The following PCDH15 variants were observed in gnomAD, a reference collection of about 807,000 sequenced individuals.
The protein encoded by PCDH15 is protocadherin-15.
Under a neutral mutation model 178.5 loss-of-function variants are expected in PCDH15, and 129 were observed. That is an observed-to-expected ratio of 0.72 (90% CI 0.63 to 0.84). The LOEUF is 0.84. Among genes scored for constraint, PCDH15 ranks in the 40% least tolerant of loss-of-function variants. The probability of loss-of-function intolerance (pLI) is 0.00; values close to 1 mark genes in which losing one functional copy is unlikely to be tolerated. For missense variants in PCDH15, 2,230 were observed against 2,099.9 expected, an observed-to-expected ratio of 1.06 and a Z score of -1.21; for synonymous variants, 800 against 732.0, an observed-to-expected ratio of 1.09 and a Z score of -1.50.
chr10:54,296,124 G>A (rs1423213571), intron 8 of PCDH15, among the ~76,000 whole-genome samples: 8 of 109,228 alleles, frequency 7.3e-5, no homozygotes, highest in South Asian at 6.5e-4. Context: ...CAGCCTGGGC[G>A]ACAGAGCGAG....
intron 11 of PCDH15, among the ~76,000 whole-genome samples, chr10:54,191,261 G>A (rs960589274): frequency 6.6e-5 from 10 of 152,116 alleles, no homozygotes; most frequent in African/African-American, 2.4e-4. Flanking sequence ...TTTTCAAGTT[G>A]GAAGTATAGA....
intron 2 of PCDH15, among the ~76,000 whole-genome samples, chr10:54,924,224 C>CA (rs1232708613): frequency 7.3e-6 from 1 of 137,230 alleles, no homozygotes; most frequent in African/African-American, 2.5e-5. Flanking sequence ...ACAAGAACAG[C>CA]AGGGGGGAAA....
rs566226144 is a variant in PCDH15, at chr10:53,863,172, C to A, written c.3717+3470G>T. Among the ~76,000 whole-genome samples, 11 of 152,212 alleles carry A rather than the reference C, an allele frequency of 7.2e-5. No individual in the cohort carries two copies. In the South Asian group the frequency reaches 2.3e-3, roughly 32 times the overall value. Reference sequence around the variant, plus strand: ...TTTAGTGTAAAGATGTAAGTATGAGCGCTTTTACTATGTAGATGATATTTT... The same window carrying A: ...TTTAGTGTAAAGATGTAAGTATGAGAGCTTTTACTATGTAGATGATATTTT... On this transcript the variant is annotated intron_variant, in intron 27 of 37. Coordinates refer to ENST00000644397, the MANE Select transcript of PCDH15 (RefSeq NM_001384140.1).
intron 2 of PCDH15, among the ~76,000 whole-genome samples, chr10:55,594,169 C>T (rs1354374019): frequency 6.6e-6 from 1 of 151,668 alleles, no homozygotes; most frequent in Non-Finnish European, 1.5e-5. Context: ...AATATGTTTC[C>T]AGTGTACAGG....
intron 18 of PCDH15, among the ~76,000 whole-genome samples, chr10:54,046,278 A>T (rs144241632): frequency 1.3e-5 from 2 of 152,328 alleles, no homozygotes; most frequent in East Asian, 3.9e-4. Context: ...ACAAAATTGA[A>T]TAGACACATG....
intron 2 of PCDH15, among the ~76,000 whole-genome samples, chr10:55,023,046 A>G (rs1347644295): frequency 6.6e-6 from 1 of 152,054 alleles, no homozygotes; most frequent in African/African-American, 2.4e-5. Flanking sequence ...AATTCACGCC[A>G]TTCTCCTGCC....
intron 2 of PCDH15, among the ~76,000 whole-genome samples, chr10:55,046,355 G>A (rs1365321302): frequency 6.6e-6 from 1 of 151,876 alleles, no homozygotes; most frequent in African/African-American, 2.4e-5. Context: ...ATATCTGAAT[G>A]GTGTGTACTA....
chr10:54,170,586 T>A (rs924535549), intron 13 of PCDH15, among the ~76,000 whole-genome samples: 4 of 151,108 alleles, frequency 2.6e-5, no homozygotes, highest in African/African-American at 7.4e-5. Context: ...ACAATTACCG[T>A]CGTTCTTGAC....
intron 2 of PCDH15, among the ~76,000 whole-genome samples, chr10:55,012,077 C>G (rs1840059608): frequency 6.6e-6 from 1 of 152,060 alleles, no homozygotes; most frequent in Non-Finnish European, 1.5e-5. Context: ...GGAAACACCC[C>G]CATTTTCCTT....
chr10:54,701,897 C>G (rs926642104), intron 1 of PCDH15, among the ~76,000 whole-genome samples: 2 of 152,008 alleles, frequency 1.3e-5, no homozygotes, highest in African/African-American at 4.8e-5. Context: ...GACAGATAAT[C>G]AAGGCAGAAA....
intron 2 of PCDH15, among the ~76,000 whole-genome samples, chr10:55,164,023 G>C (rs1400835464): frequency 6.6e-6 from 1 of 152,082 alleles, no homozygotes; most frequent in Non-Finnish European, 1.5e-5. Context: ...TTGGGGTCTG[G>C]ATTGGGACCC....
chr10:54,161,081 C>T (rs1307546869), intron 13 of PCDH15, among the ~76,000 whole-genome samples: 2 of 151,998 alleles, frequency 1.3e-5, no homozygotes, highest in African/African-American at 4.8e-5. Context: ...TATATATTTA[C>T]ATTTCCAAAA....
chr10:55,345,727 A>C (rs1435569573), intron 2 of PCDH15, among the ~76,000 whole-genome samples: 1 of 151,916 alleles, frequency 6.6e-6, no homozygotes. Context: ...ATAACAACTT[A>C]TTTTGCCTTC....
intron 2 of PCDH15, among the ~76,000 whole-genome samples, chr10:54,903,038 T>G (rs993181217): frequency 2.6e-5 from 4 of 152,182 alleles, no homozygotes; most frequent in African/African-American, 9.6e-5. Flanking sequence ...ATTTTTCAAA[T>G]TAGACTTTGT....
chr10:54,232,812 T>C (rs2054208257), intron 9 of PCDH15, among the ~76,000 whole-genome samples: 1 of 152,164 alleles, frequency 6.6e-6, no homozygotes, highest in Non-Finnish European at 1.5e-5. Context: ...TGTTGATGAT[T>C]TCAAAGAATT....
chr10:53,972,683 G>T (rs1347236293), intron 21 of PCDH15, among the ~76,000 whole-genome samples: 1 of 152,090 alleles, frequency 6.6e-6, no homozygotes, highest in African/African-American at 2.4e-5. Context: ...ACAGACACAT[G>T]AAAAAAATGC....
rs1305976541 is a variant in PCDH15, at chr10:54,387,035, T to C, written c.158-8093A>G. Among the ~76,000 whole-genome samples, 6 of 152,180 alleles carry C rather than the reference T, an allele frequency of 3.9e-5. No individual in the cohort carries two copies. The East Asian group carries it at 9.7e-4, about 25-fold the overall frequency. Reference sequence around the variant, plus strand: ...ACAAGAAGTGAGGTAATACATATGTTAGTTGGCTTGATTTAACCATTCTAC... The same window carrying C: ...ACAAGAAGTGAGGTAATACATATGTCAGTTGGCTTGATTTAACCATTCTAC... On this transcript the variant is annotated intron_variant, in intron 3 of 37. Transcript: ENST00000644397.
At chr10:53,825,978 T>C (rs1170350107) in intron 32 of PCDH15, among the ~76,000 whole-genome samples, 1 of 151,654 alleles carries the variant, frequency 6.6e-6, no homozygotes, top group African/African-American at 2.4e-5. Flanking sequence ...CCTGTTCTTA[T>C]TAATTTAAAA....
At chr10:55,266,788 G>T (rs1842309542) in intron 1 of PCDH15, among the ~76,000 whole-genome samples, 1 of 152,144 alleles carries the variant, frequency 6.6e-6, no homozygotes. Flanking sequence ...GGTCAGAGGA[G>T]ACCCCAGCCA....
Sources: allele counts gnomAD v4.1 joint callset (sites outside exome capture counted in the v4.1 genomes callset), GRCh38; gene constraint gnomAD v4.1.1; transcripts MANE v1.5; gene names NCBI Gene and HGNC (gene_info 2026-07-23, HGNC 2026-07-21).